Variants in C1QTNF1 observed in about 807,000 individuals in gnomAD.
The protein encoded by C1QTNF1 is C1q and TNF related 1, also known as complement C1q tumor necrosis factor-related protein 1.
C1QTNF1 carries 22 observed loss-of-function variants against 27.8 expected under a neutral mutation model. That is an observed-to-expected ratio of 0.79 (90% CI 0.56 to 1.13). The LOEUF is 1.13. C1QTNF1 is among the 50% of genes most tolerant of loss of function. The pLI is 0.00. For synonymous variants in C1QTNF1, 166 were observed against 154.3 expected (o/e 1.08, Z -0.56); for missense variants, 373 against 380.2 (o/e 0.98, Z 0.16).
chr17:79,046,911 C>A lies in C1QTNF1; in HGVS notation c.295+217C>A. The A allele has an allele frequency of 1.6e-6, 1 of 614,050 alleles. No homozygotes were observed. The highest frequency in any genetic ancestry group is 2.8e-6 in the Non-Finnish European group (1 of 362,972). 38.0% of individuals were successfully genotyped at this position (614,050 alleles called of 1,614,324 possible). On this transcript the variant is annotated intron_variant, in intron 3 of 3. Transcript: ENST00000579760. The surrounding 1 kb of genome is among the most constrained non-coding windows in gnomAD (Gnocchi z 4.8). The stretch of plus-strand genomic sequence containing the variant: ...CCAAGAGGAGGGGTTGGAAAGGGGC[C>A]CACAGGACCAAGAGCAGGAGAGGGA...
chr17:79,043,782 G>A (rs959268427), intron 1 of C1QTNF1, 173 bp from the exon 2 acceptor site: 2 of 730,660 alleles, frequency 2.7e-6, no homozygotes, highest in East Asian at 5.4e-5. Context: ...ATGCATGGGT[G>A]TGTGAGAGTG....
In C1QTNF1 at chr17:79,044,014, C is replaced by T; in HGVS notation, c.46C>T (p.Leu16Phe). The T allele has an allele frequency of 1.9e-6, 3 of 1,614,214 alleles. No individual in the cohort carries two copies. The South Asian group carries it at 3.3e-5, about 18-fold the overall frequency. ...QGLLLAYCLL[L>F]AFASGLVLSR... The stretch of plus-strand genomic sequence containing the variant: ...ACTCTTGCTGGCGTACTGCCTGCTC[C>T]TTGCCTTTGCCTCTGGCCTGGTCCT... Residue 16 changes from leucine (L) to phenylalanine (F), a missense_variant, in exon 2 of 4, where the codon CTT (leucine) becomes TTT (phenylalanine). By Grantham distance (22) the Leu-to-Phe change is conservative. Transcript: ENST00000579760.
rs544283113 is a variant in C1QTNF1 at position 79,038,385 on chromosome 17, C to T, written c.-14-5570C>T. Among the ~76,000 whole-genome samples the T allele has an allele frequency of 3.9e-5, 6 of 152,268 alleles. No homozygotes were observed. In the South Asian group the frequency reaches 1.2e-3, roughly 32 times the overall value. ...GTTTCTCTTTTCTGGCCTCCCTCCT[C>T]CTGTAAAGGGGGATGTGTTCTTGTT... On this transcript the variant is annotated intron_variant, in intron 1 of 3. Coordinates refer to ENST00000579760, the MANE Select transcript of C1QTNF1 (RefSeq NM_030968.5).
intron 3 of C1QTNF1, chr17:79,047,066 C>G (rs892613442): frequency 3.5e-6 from 1 of 282,562 alleles, no homozygotes; most frequent in Admixed American, 4.8e-5. Flanking sequence ...GTCCTGCACA[C>G]GGCAGATAAC....
chr17:79,028,516 A>G (rs551368136), intron 1 of C1QTNF1, among the ~76,000 whole-genome samples: 1 of 152,326 alleles, frequency 6.6e-6, no homozygotes, highest in African/African-American at 2.4e-5. Context: ...CTTGTAAAGA[A>G]TCTAAAGTGA....
chr17:79,044,135 C>G lies in C1QTNF1; in HGVS notation c.155+12C>G, dbSNP rs771270140. 6.3e-7 allele frequency: 1 copy of G among 1,594,754 alleles called. No homozygotes were observed. The highest frequency in any genetic ancestry group is 1.7e-5 in the Admixed American group (1 of 58,132). On this transcript the variant is annotated intron_variant, in intron 2 of 3. Transcript: ENST00000579760. ...GACCATGCCGAGAGGTGAGGGGCCA[C>G]GAGGGTGTAATAGCAGGAGCTCTGG...
In C1QTNF1 at chr17:79,049,001, C is replaced by G. The variant is rs984604566; in HGVS notation, c.*913C>G. On this transcript the variant is annotated 3_prime_UTR_variant, in exon 4 of 4. Transcript: ENST00000579760. The surrounding 1 kb of genome is among the most constrained non-coding windows in gnomAD (Gnocchi z 4.4). ...CATCGGCTTTCTGTGCCGCCTCCCACACAAATCAGCCCCAGAAGGCCCCGG... is the reference window on the plus strand; with the variant it reads ...CATCGGCTTTCTGTGCCGCCTCCCAGACAAATCAGCCCCAGAAGGCCCCGG... 6.6e-6 allele frequency: 1 copy of G among 152,258 alleles called. No individual in the cohort carries two copies. Among genetic ancestry groups the G allele is most frequent in the Non-Finnish European group, 1.5e-5 (1 of 68,086 alleles). The allele number at this position is 152,258 out of a possible 1,614,324, so 9.4% of individuals were successfully genotyped here. A position where few individuals can be genotyped will look rare whatever the true frequency, so the allele number is the denominator to read the frequency against.
At chr17:79,039,770 C>T (rs1346338732) in intron 1 of C1QTNF1, among the ~76,000 whole-genome samples, 1 of 151,594 alleles carries the variant, frequency 6.6e-6, no homozygotes, top group Non-Finnish European at 1.5e-5. Context: ...TTTCCAACCT[C>T]TCTTAAATAA....
At chr17:79,044,377 G>A (rs2145926250) in intron 2 of C1QTNF1, among the ~76,000 whole-genome samples, 1 of 152,358 alleles carries the variant, frequency 6.6e-6, no homozygotes, top group African/African-American at 2.4e-5. Flanking sequence ...GGGTCTGCAA[G>A]TGGCTTTGCA....
At chr17:79,035,856 G>A (rs183679195) in intron 1 of C1QTNF1, among the ~76,000 whole-genome samples, 5 of 152,328 alleles carry the variant, frequency 3.3e-5, no homozygotes, top group Non-Finnish European at 7.3e-5. Flanking sequence ...AAAGGCAGAC[G>A]AAGATGCTTG....
At chr17:79,038,908 G>A (rs2072329569) in intron 1 of C1QTNF1, among the ~76,000 whole-genome samples, 1 of 152,216 alleles carries the variant, frequency 6.6e-6, no homozygotes, top group Non-Finnish European at 1.5e-5. Flanking sequence ...ATCTTTTCAG[G>A]AAGGAAAGAT....
intron 1 of C1QTNF1, among the ~76,000 whole-genome samples, chr17:79,028,722 G>GTCTCT (rs2145886506): frequency 6.6e-6 from 1 of 152,240 alleles, no homozygotes; most frequent in African/African-American, 2.4e-5. Flanking sequence ...CCATTAGAGG[G>GTCTCT]CACTGGTCGG....
rs150136656 is a variant in C1QTNF1 at position 79,028,238 on chromosome 17, G to A, written c.-15+3744G>A. ...CTGTGCTGGGTCAAATGTTGTTCTT[G>A]GCCACGGCTAAAGCCACACTTGGTG... is the stretch of plus-strand genomic sequence containing the variant. On this transcript the variant is annotated intron_variant, in intron 1 of 3. Coordinates refer to ENST00000579760, the MANE Select transcript of C1QTNF1 (RefSeq NM_030968.5). 4.1e-3 allele frequency among the ~76,000 whole-genome samples: 630 copies of A among 152,316 alleles called. 2 individuals carry two copies. The highest frequency in any genetic ancestry group is 6.3e-3 in the Admixed American group (96 of 15,304).
chr17:79,037,059 G>A (rs76309435), intron 1 of C1QTNF1, among the ~76,000 whole-genome samples: 3,577 of 152,304 alleles, frequency 0.023, 117 homozygotes, highest in African/African-American at 0.081. Flanking sequence ...ATGAGAGCAC[G>A]GAGGTGAAAC....
rs753082326 is a variant in C1QTNF1 at position 79,047,589 on chromosome 17, C to T, written c.347C>T (p.Thr116Ile). ...DRGLQGKYGKTGSAGARGHTG... is the reference protein window; with the variant it reads ...DRGLQGKYGKIGSAGARGHTG... ...GGCCTCCAAGGGAAATATGGCAAAA[C>T]AGGCTCAGCAGGGGCCAGGGGCCAC... Residue 116 changes from threonine (T) to isoleucine (I), a missense_variant, in exon 4 of 4, where the codon ACA (threonine) becomes ATA (isoleucine). Coordinates refer to ENST00000579760, the MANE Select transcript of C1QTNF1 (RefSeq NM_030968.5). 25 of 1,542,266 alleles carry T rather than the reference C, an allele frequency of 1.6e-5. No homozygotes were observed. The highest frequency in any genetic ancestry group is 2.1e-5 in the Non-Finnish European group (24 of 1,146,514).
intron 1 of C1QTNF1, chr17:79,043,429 T>C (rs2072475188): frequency 6.7e-6 from 3 of 450,370 alleles, no homozygotes; most frequent in Non-Finnish European, 1.3e-5. Context: ...GTGTTGACTG[T>C]GTGCATGTGA....
intron 1 of C1QTNF1, chr17:79,025,739 G>A: frequency 4.8e-6 from 1 of 208,500 alleles, no homozygotes; most frequent in Non-Finnish European, 1.0e-5. Flanking sequence ...TCCAGCACCT[G>A]CCAACCGGGG....
At chr17:79,043,847 G>GAACTCCT (rs1354545242) in intron 1 of C1QTNF1, 108 bp from the exon 2 acceptor site, 1 of 1,235,264 alleles carries the variant, frequency 8.1e-7, no homozygotes, top group South Asian at 1.2e-5. Context: ...GTGAGGCTGG[G>GAACTCCT]GAAGCACCTC....
intron 1 of C1QTNF1, among the ~76,000 whole-genome samples, chr17:79,039,911 T>G (rs993064482): frequency 2.0e-5 from 3 of 152,138 alleles, no homozygotes; most frequent in Non-Finnish European, 4.4e-5. Flanking sequence ...AAAATCTCTT[T>G]TCCTTTTAAC....
Sources: allele counts gnomAD v4.1 joint callset (sites outside exome capture counted in the v4.1 genomes callset), GRCh38; gene constraint gnomAD v4.1.1; non-coding constraint Gnocchi (gnomAD v3.1); transcripts MANE v1.5; gene names NCBI Gene and HGNC (gene_info 2026-07-23, HGNC 2026-07-21).